Variants in TNN observed in about 807,000 individuals in gnomAD.
The protein encoded by TNN is tenascin N, also known as tenascin-N.
In TNN, 122 loss-of-function variants were observed where a neutral mutation model predicts 134.4. The observed-to-expected ratio is 0.91, with a 90% confidence interval of 0.78 to 1.06. The LOEUF (loss-of-function observed/expected upper bound fraction) is 1.06. TNN is among the 50% of genes least tolerant of loss of function. The pLI, the probability that TNN is intolerant of heterozygous loss-of-function variation, is 0.00. For missense variants in TNN, 1,739 were observed against 1,699.4 expected, an observed-to-expected ratio of 1.02 and a Z score of -0.41; for synonymous variants, 710 against 670.3, an observed-to-expected ratio of 1.06 and a Z score of -0.91.
chr1:175,077,351 C>T (rs1674063503), intron 1 of TNN, 33 bp from the exon 2 acceptor site: 1 of 1,505,944 alleles, frequency 6.6e-7, no homozygotes, highest in South Asian at 1.3e-5. Flanking sequence ...AGCACATCTC[C>T]GTGGCTTTCT....
intron 17 of TNN, among the ~76,000 whole-genome samples, chr1:175,141,582 G>GA (rs1264409234): frequency 2.0e-5 from 3 of 152,200 alleles, no homozygotes; most frequent in East Asian, 3.8e-4. Context: ...TGAAATAAAA[G>GA]ACATTCAAGG....
intron 9 of TNN, among the ~76,000 whole-genome samples, chr1:175,099,586 C>CTCAGGAGGAGAGGTGAGGGG (rs1674665272): frequency 1.2e-5 from 1 of 86,780 alleles, no homozygotes. Flanking sequence ...GAGATGAGGG[C>CTCAGGAGGAGAGGTGAGGGG]TCAGGAGGAG....
At chr1:175,077,325 A>G (rs973008429) in intron 1 of TNN, 59 bp from the exon 2 acceptor site, 44 of 1,368,822 alleles carry the variant, frequency 3.2e-5, no homozygotes, top group Non-Finnish European at 4.4e-5. Context: ...TGGTAAAAAA[A>G]AAGCCAGCTT....
chr1:175,073,402 T>C (rs978885696), intron 1 of TNN, among the ~76,000 whole-genome samples: 1 of 152,194 alleles, frequency 6.6e-6, no homozygotes, highest in African/African-American at 2.4e-5. Context: ...CTCATTTTCC[T>C]GGCTTCCCAC....
At position 175,130,282 on chromosome 1, in the gene TNN, A is replaced by G. The variant is rs553865279; in HGVS notation, c.3330+1536A>G. On this transcript the variant is annotated intron_variant, in intron 15 of 18. Coordinates refer to ENST00000239462, the MANE Select transcript of TNN (RefSeq NM_022093.2). Reference sequence around the variant, plus strand: ...ACCAAAGACACTTGAGCAGCCATGAATAAAAAGATACCATCTGATGAGCAG... The same window carrying G: ...ACCAAAGACACTTGAGCAGCCATGAGTAAAAAGATACCATCTGATGAGCAG... 9.2e-5 allele frequency among the ~76,000 whole-genome samples: 14 copies of G among 152,372 alleles called. No individual in the cohort carries two copies. In the East Asian group the frequency reaches 2.7e-3, roughly 29 times the overall value.
rs758540165 is a variant in TNN, at chr1:175,080,190, T to C, written c.812T>C (p.Leu271Pro). 6.2e-7 allele frequency: 1 copy of C among 1,613,982 alleles called. No individual in the cohort carries two copies. ...GTCACCCCACAGGGCCTGCAGCTGCTCAAGAACACGGAGGATTCTCTGCTG... is the reference window on the plus strand; with the variant it reads ...GTCACCCCACAGGGCCTGCAGCTGCCCAAGAACACGGAGGATTCTCTGCTG... ...QVVTPQGLQL[L>P]KNTEDSLLVS... Residue 271 changes from leucine to proline, a missense_variant, in exon 4 of 19, where the codon CTC becomes CCC. Transcript: ENST00000239462.
chr1:175,112,598 C>CTTTTTTGTTTTTTTTTTTT (rs1675059054), intron 9 of TNN, among the ~76,000 whole-genome samples: 1 of 21,974 alleles, frequency 4.6e-5, no homozygotes, highest in African/African-American at 1.6e-4. Context: ...GCCGGCCGAT[C>CTTTTTTGTTTTTTTTTTTT]TTTTTTTTTT....
intron 6 of TNN, among the ~76,000 whole-genome samples, chr1:175,088,257 C>A (rs1674364515): frequency 6.6e-6 from 1 of 152,086 alleles, no homozygotes; most frequent in East Asian, 1.9e-4. Context: ...TCCCTGGAAA[C>A]CACCCCCTTT....
Position 175,117,213 on chromosome 1 carries a change from G to A in TNN, c.2386+8G>A, listed in dbSNP as rs1448126554. 2 of 1,612,242 alleles carry A rather than the reference G, an allele frequency of 1.2e-6. No individual in the cohort carries two copies. The highest frequency in any genetic ancestry group is 2.2e-5 in the East Asian group (1 of 44,888). ...ACACCAAGGCCCAGACAGGTAAGGA[G>A]CATTGTTCTTTGGGAATATAAGAGC... On this transcript the variant is annotated splice_region_variant and intron_variant, in intron 10 of 18. Coordinates refer to ENST00000239462, the MANE Select transcript of TNN (RefSeq NM_022093.2).
chr1:175,117,591 C>T (rs903158845), intron 10 of TNN, among the ~76,000 whole-genome samples: 27 of 152,064 alleles, frequency 1.8e-4, no homozygotes, highest in African/African-American at 6.3e-4. Flanking sequence ...TCACATCTGC[C>T]ATAGCAAGGA....
At chr1:175,118,407 A>T (rs1675244308) in intron 10 of TNN, among the ~76,000 whole-genome samples, 154 bp from the exon 11 acceptor site, 1 of 152,196 alleles carries the variant, frequency 6.6e-6, no homozygotes, top group South Asian at 2.1e-4. Context: ...GGGGGAGAAG[A>T]TGATGTCCAT....
At position 175,116,950 on chromosome 1, in the gene TNN, C is replaced by G. The variant is rs772698080; in HGVS notation, c.2131C>G (p.Pro711Ala). The change falls in exon 10 of 19, where the codon CCC (proline) becomes GCC (alanine). Residue 711 changes from proline to alanine, a missense_variant. Coordinates refer to ENST00000239462, the MANE Select transcript of TNN (RefSeq NM_022093.2). ...ATTTTTTTTTTCAGACATTGACAGC[C>G]CCCAAAACCTGGTGACCGACCGGGT... ...DTKAQTDIDS[P>A]QNLVTDRVTE... is the part of the protein sequence containing the mutation. The G allele has an allele frequency of 1.9e-6, 3 of 1,614,218 alleles. No individual in the cohort carries two copies. Among genetic ancestry groups the G allele is most frequent in the South Asian group, 2.2e-5 (2 of 91,088 alleles).
At chr1:175,123,348 C>T (rs1262397341) in intron 11 of TNN, 52 bp from the exon 12 acceptor site, 55 of 1,588,106 alleles carry the variant, frequency 3.5e-5, no homozygotes, top group African/African-American at 6.8e-5. Flanking sequence ...TGGTAAGATG[C>T]GATGTCTTCC....
intron 9 of TNN, 84 bp downstream of exon 9, chr1:175,098,679 G>A: frequency 3.8e-6 from 6 of 1,585,574 alleles, no homozygotes. Flanking sequence ...TTGGCATAAA[G>A]GGGGACTTTA....
Position 175,080,390 on chromosome 1 carries a change from G to C in TNN, c.1012G>C (p.Val338Leu), listed in dbSNP as rs1674173131. 6 of 1,614,122 alleles carry C rather than the reference G, an allele frequency of 3.7e-6. No individual in the cohort carries two copies. Among genetic ancestry groups the C allele is most frequent in the Middle Eastern group, 1.6e-4 (1 of 6,062 alleles). ...IVTLRNVKNEVSSSPQHLLAT... is the reference protein window; with the variant it reads ...IVTLRNVKNELSSSPQHLLAT... The stretch of plus-strand genomic sequence containing the variant: ...CACCCTGCGTAACGTCAAGAATGAA[G>C]TTTCTAGCAGCCCACAGCATCTACT... Residue 338 changes from valine (V) to leucine (L), a missense_variant, in exon 4 of 19, where the codon GTT (valine) becomes CTT (leucine). By Grantham distance (32) the Val-to-Leu change is conservative. Transcript: ENST00000239462.
intron 7 of TNN, among the ~76,000 whole-genome samples, chr1:175,097,103 A>G (rs950363950): frequency 2.0e-5 from 3 of 152,232 alleles, no homozygotes; most frequent in Admixed American, 2.0e-4. Flanking sequence ...AGAATATGTT[A>G]TATAAATCCA....
rs778199951 is a variant in TNN, at chr1:175,080,199, C to T, written c.821C>T (p.Thr274Met). Reference sequence around the variant, plus strand: ...CAGGGCCTGCAGCTGCTCAAGAACACGGAGGATTCTCTGCTGGTGAGCTGG... The same window carrying T: ...CAGGGCCTGCAGCTGCTCAAGAACATGGAGGATTCTCTGCTGGTGAGCTGG... Reference protein sequence around the residue: ...TPQGLQLLKNTEDSLLVSWEP... With the variant: ...TPQGLQLLKNMEDSLLVSWEP... The change falls in exon 4 of 19, where the codon ACG becomes ATG. Residue 274 changes from threonine to methionine, a missense_variant. Thr to Met is a moderately conservative substitution (Grantham distance 81). Coordinates refer to ENST00000239462, the MANE Select transcript of TNN (RefSeq NM_022093.2). 2.7e-5 allele frequency: 44 copies of T among 1,614,066 alleles called. No homozygotes were observed. The highest frequency in any genetic ancestry group is 5.0e-5 in the Admixed American group (3 of 60,012).
intron 7 of TNN, among the ~76,000 whole-genome samples, chr1:175,095,616 C>T (rs1026045753): frequency 8.5e-5 from 13 of 152,326 alleles, no homozygotes; most frequent in African/African-American, 2.4e-4. Context: ...CTCTCTTGCC[C>T]AGGCTGGAGT....
At chr1:175,077,880 T>C in intron 2 of TNN, 53 bp downstream of exon 2, 3 of 1,538,298 alleles carry the variant, frequency 2.0e-6, no homozygotes, top group Non-Finnish European at 2.7e-6. Flanking sequence ...GCACCTATTA[T>C]GTGCCAGGGT....
Sources: allele counts gnomAD v4.1 joint callset (sites outside exome capture counted in the v4.1 genomes callset), GRCh38; gene constraint gnomAD v4.1.1; transcripts MANE v1.5; gene names NCBI Gene and HGNC (gene_info 2026-07-23, HGNC 2026-07-21).